The following FRY variants were observed in gnomAD, a reference collection of about 807,000 sequenced individuals.
The protein encoded by FRY is protein furry homolog.
A neutral mutation model predicts 348.4 loss-of-function variants in FRY; 128 were observed. The ratio of observed to expected loss-of-function variants is 0.37; its 90% CI spans 0.32 to 0.43. FRY has a LOEUF of 0.43. FRY is among the 20% of genes least tolerant of loss of function. The pLI is 1.00. For missense variants in FRY, 2,736 were observed against 3,695.2 expected, an observed-to-expected ratio of 0.74 and a Z score of 6.73; for synonymous variants, 1,370 against 1,374.7, an observed-to-expected ratio of 1.00 and a Z score of 0.08.
chr13:32,212,548 T>C (rs560477897), intron 35 of FRY, among the ~76,000 whole-genome samples, 166 bp downstream of exon 35: 1 of 152,320 alleles, frequency 6.6e-6, no homozygotes, highest in East Asian at 1.9e-4. Context: ...AGTATATCCC[T>C]AAAGATAACA....
At chr13:32,249,147 A>T (rs753441676) in intron 48 of FRY, among the ~76,000 whole-genome samples, 7 of 152,254 alleles carry the variant, frequency 4.6e-5, no homozygotes, top group Non-Finnish European at 1.0e-4. Flanking sequence ...TATAAAGATT[A>T]ATGATTAAAA....
At chr13:32,267,112 C>T (rs779259349) in intron 54 of FRY, 58 bp from the exon 55 acceptor site, 12 of 1,471,642 alleles carry the variant, frequency 8.2e-6, no homozygotes, top group African/African-American at 1.4e-5. Context: ...ATTTATAAAA[C>T]CCAGTATAGG....
At chr13:32,248,600 A>G (rs1427306405) in intron 48 of FRY, among the ~76,000 whole-genome samples, 1 of 152,134 alleles carries the variant, frequency 6.6e-6, no homozygotes, top group Non-Finnish European at 1.5e-5. Flanking sequence ...GGTCATATCC[A>G]AGTTGGGTTT....
chr13:32,049,734 T>C (rs1238875732), intron 1 of FRY, among the ~76,000 whole-genome samples: 1 of 152,178 alleles, frequency 6.6e-6, no homozygotes, highest in Non-Finnish European at 1.5e-5. Context: ...AATAAAGTAG[T>C]AGCAGAGGAG....
In FRY at chr13:32,234,629, C is replaced by T. The variant is rs762216385; in HGVS notation, c.5583C>T (p.Ser1861=). The part of the protein sequence containing the change: ...SEVALQTALA[S]SSRHYAGRSF... The stretch of plus-strand genomic sequence containing the variant: ...TTGCATTGCAGACAGCCCTCGCAAG[C>T]TCTTCAAGGCACTATGCTGGTCGGT... Residue 1861 remains serine, a synonymous_variant, in exon 42 of 61, where the codon AGC becomes AGT. Transcript: ENST00000542859. 5.0e-6 allele frequency: 8 copies of T among 1,614,036 alleles called. No individual in the cohort carries two copies. Among genetic ancestry groups the T allele is most frequent in the Non-Finnish European group, 6.8e-6 (8 of 1,180,022 alleles).
At chr13:32,187,687 A>C (rs1883102333) in intron 28 of FRY, 31 bp downstream of exon 28, 1 of 1,194,764 alleles carries the variant, frequency 8.4e-7, no homozygotes. Context: ...ATTGTTTTTG[A>C]ATGTCTTCTG....
chr13:32,211,469 G>A (rs996391932), intron 34 of FRY, among the ~76,000 whole-genome samples: 2 of 152,102 alleles, frequency 1.3e-5, no homozygotes, highest in African/African-American at 4.8e-5. Context: ...AAAAAAAAGA[G>A]AATAACTGAG....
At chr13:32,046,165 T>C (rs1873006757) in intron 1 of FRY, among the ~76,000 whole-genome samples, 1 of 152,186 alleles carries the variant, frequency 6.6e-6, no homozygotes, top group Non-Finnish European at 1.5e-5. Context: ...ATGAAAATGC[T>C]CTTCAGGCTC....
chr13:32,209,987 G>C (rs899636101), intron 33 of FRY, among the ~76,000 whole-genome samples: 1 of 152,112 alleles, frequency 6.6e-6, no homozygotes, highest in Non-Finnish European at 1.5e-5. Flanking sequence ...TATAGCAGGT[G>C]GATATTTTTC....
chr13:32,271,189 A>AAAATC (rs1566184589), intron 55 of FRY, among the ~76,000 whole-genome samples: 1 of 152,208 alleles, frequency 6.6e-6, no homozygotes, highest in Non-Finnish European at 1.5e-5. Flanking sequence ...TTCCAGGTGG[A>AAAATC]AAAGGAGTAC....
intron 36 of FRY, 100 bp from the exon 37 acceptor site, chr13:32,224,135 A>G: frequency 9.0e-7 from 1 of 1,114,644 alleles, no homozygotes; most frequent in Non-Finnish European, 1.4e-6. Context: ...AGTTATTTTT[A>G]CAAGCATACA....
intron 43 of FRY, among the ~76,000 whole-genome samples, chr13:32,236,933 T>G (rs1330354595): frequency 6.6e-6 from 1 of 152,218 alleles, no homozygotes; most frequent in East Asian, 1.9e-4. Context: ...ATAATTTTTC[T>G]TAAATTTTGG....
chr13:32,234,653 G>A lies in FRY; in HGVS notation c.5607G>A (p.Arg1869=). 1.9e-6 allele frequency: 3 copies of A among 1,614,078 alleles called. No individual in the cohort carries two copies. The highest frequency in any genetic ancestry group is 1.1e-5 in the South Asian group (1 of 91,076). Residue 1869 remains arginine, a synonymous_variant, in exon 42 of 61, where the codon CGG becomes CGA. Coordinates refer to ENST00000542859, the MANE Select transcript of FRY (RefSeq NM_023037.3). ...GCTCTTCAAGGCACTATGCTGGTCG[G>A]TCCTTCCAGATATTCCGGGCCCTCA... The part of the protein sequence containing the change: ...LASSSRHYAG[R]SFQIFRALKQ...
intron 50 of FRY, among the ~76,000 whole-genome samples, chr13:32,252,811 A>C (rs1481055106): frequency 6.6e-6 from 1 of 151,856 alleles, no homozygotes; most frequent in Non-Finnish European, 1.5e-5. Flanking sequence ...CTGGGAAAGC[A>C]CCCCAGCCAG....
At position 32,261,807 on chromosome 13, in the gene FRY, C is replaced by T. The variant is rs1486829372; in HGVS notation, c.7608C>T (p.His2536=). The change falls in exon 52 of 61, where the codon CAC becomes CAT. Residue 2536 remains histidine (H), a synonymous_variant. Transcript: ENST00000542859. ...TCACAGCCAGCCAGATCCTGGAGCACTCAGACCTAGTAAGTAGCGGCTCTC... is the reference window on the plus strand; with the variant it reads ...TCACAGCCAGCCAGATCCTGGAGCATTCAGACCTAGTAAGTAGCGGCTCTC... ...EDLTASQILE[H]SDLIMTLSPS... 13 of 1,614,080 alleles carry T rather than the reference C, an allele frequency of 8.1e-6. No individual in the cohort carries two copies. The highest frequency in any genetic ancestry group is 1.1e-5 in the Non-Finnish European group (13 of 1,179,924).
intron 28 of FRY, among the ~76,000 whole-genome samples, chr13:32,191,397 T>G (rs554424013): frequency 6.6e-6 from 1 of 152,212 alleles, no homozygotes; most frequent in Admixed American, 6.5e-5. Context: ...CAGCAGAGGG[T>G]TCTTATCTAG....
At chr13:32,096,547 T>A (rs1876732110) in intron 2 of FRY, among the ~76,000 whole-genome samples, 1 of 152,146 alleles carries the variant, frequency 6.6e-6, no homozygotes, top group Admixed American at 6.5e-5. Flanking sequence ...TCCTAGCAGT[T>A]TGGGAGGCCC....
chr13:32,104,475 C>A (rs1179346423), intron 3 of FRY, among the ~76,000 whole-genome samples: 2 of 152,178 alleles, frequency 1.3e-5, no homozygotes, highest in African/African-American at 4.8e-5. Flanking sequence ...TGTAACATAT[C>A]TCTATGTATT....
rs140654677 is a variant in FRY, at chr13:32,243,927, T to TAA, written c.6688-109_6688-108dup. 4 of 1,220,336 alleles carry TAA rather than the reference T, an allele frequency of 3.3e-6. No individual in the cohort carries two copies. The African/African-American group carries it at 6.0e-5, about 18-fold the overall frequency. The allele number at this position is 1,220,336 out of a possible 1,614,324, so 75.6% of individuals were successfully genotyped here. On this transcript the variant is annotated intron_variant, in intron 46 of 60. Transcript: ENST00000542859. ...GGCAACATAGCAAGACCCCATCTCC[T>TAA]AAAAAAATAAAAAATAAAAAGGAAA...
Sources: allele counts gnomAD v4.1 joint callset (sites outside exome capture counted in the v4.1 genomes callset), GRCh38; gene constraint gnomAD v4.1.1; transcripts MANE v1.5; gene names NCBI Gene and HGNC (gene_info 2026-07-23, HGNC 2026-07-21).